TUBA1A: variants seen among roughly 807,000 people sequenced by gnomAD.
TUBA1A encodes the protein tubulin alpha-1A chain.
Under a neutral mutation model 34.6 loss-of-function variants are expected in TUBA1A, and 7 were observed. The observed-to-expected ratio is 0.20, with a 90% confidence interval of 0.11 to 0.38. TUBA1A has a LOEUF of 0.38. TUBA1A is among the 10% of genes least tolerant of loss of function. TUBA1A has a pLI of 1.00. For missense variants in TUBA1A, 19 were observed against 581.3 expected (o/e 0.03, Z 9.95); for synonymous variants, 193 against 210.2 (o/e 0.92, Z 0.71).
intron 1 of TUBA1A, chr12:49,187,943 G>A (rs1942201252): frequency 1.0e-6 from 1 of 984,318 alleles, no homozygotes. Flanking sequence ...CGTTTCCCTG[G>A]GTCCTGACCA....
rs1181623358 is a variant in TUBA1A at position 49,188,373 on chromosome 12, C to A, written c.3+604G>T. 7 of 1,535,246 alleles carry A rather than the reference C, an allele frequency of 4.6e-6. No individual in the cohort carries two copies. The East Asian group carries it at 9.8e-5, about 21-fold the overall frequency. ...CCAGAAACAAACAACCCCGCCCCTG[C>A]GCCGCCCTGACACCCGCTGCCGGGG... On this transcript the variant is annotated intron_variant, in intron 1 of 3. Transcript: ENST00000301071. This position sits in a 1 kb window ranked among gnomAD's most constrained non-coding sequence, Gnocchi z 4.9.
In TUBA1A at chr12:49,186,247, A is replaced by AT; in HGVS notation, c.375+62_375+63insA. 6.2e-7 allele frequency: 1 copy of AT among 1,611,986 alleles called. No individual in the cohort carries two copies. On this transcript the variant is annotated intron_variant, in intron 3 of 3. Coordinates refer to ENST00000301071, the MANE Select transcript of TUBA1A (RefSeq NM_006009.4). The surrounding 1 kb of genome is among the most constrained non-coding windows in gnomAD (Gnocchi z 6.6). ...GTTCAATTCTGTGTTTGAAAAAAAAAGCATTATTTCAAATGTGTTCTTTAG... is the reference window on the plus strand; with the variant it reads ...GTTCAATTCTGTGTTTGAAAAAAAAATGCATTATTTCAAATGTGTTCTTTAG...
In TUBA1A at chr12:49,186,000, AAGAG is replaced by A; in HGVS notation, c.376-14_376-11del. On this transcript the variant is annotated splice_polypyrimidine_tract_variant and intron_variant, in intron 3 of 3. Transcript: ENST00000301071. ...CCGTGCACTGGTCGGCCTATAACAAAAGAGAGGAACAGAGGAAAGGTTAAGTTTT... is the reference window on the plus strand; with the variant it reads ...CCGTGCACTGGTCGGCCTATAACAAAAGGAACAGAGGAAAGGTTAAGTTTT... The A allele has an allele frequency of 1.2e-6, 2 of 1,614,118 alleles. No individual in the cohort carries two copies. Among genetic ancestry groups the A allele is most frequent in the Non-Finnish European group, 1.7e-6 (2 of 1,180,010 alleles).
chr12:49,184,891 T>C lies in TUBA1A; in HGVS notation c.*119A>G. On this transcript the variant is annotated 3_prime_UTR_variant, in exon 4 of 4. Transcript: ENST00000301071. ...ATTCATGTTTTAGAGCATAGGTCAG[T>C]AATTGTATATGAGAGCATACACTGC... 4.6e-6 allele frequency: 7 copies of C among 1,521,836 alleles called. No individual in the cohort carries two copies. Among genetic ancestry groups the C allele is most frequent in the Non-Finnish European group, 6.4e-6 (7 of 1,098,988 alleles). 94.3% of individuals were successfully genotyped at this position (1,521,836 alleles called of 1,614,324 possible). A position where few individuals can be genotyped will look rare whatever the true frequency, so the allele number is the denominator to read the frequency against.
intron 1 of TUBA1A, chr12:49,187,340 C>T (rs942351243): frequency 1.9e-6 from 2 of 1,038,716 alleles, no homozygotes; most frequent in African/African-American, 3.5e-5. Flanking sequence ...TAGACAAGGT[C>T]TGCCTTCTGC....
At chr12:49,187,555 A>G (rs1211019511) in intron 1 of TUBA1A, 1 of 985,170 alleles carries the variant, frequency 1.0e-6, no homozygotes, top group African/African-American at 1.7e-5. Flanking sequence ...AGACAACGGG[A>G]TGCGGAGTAT....
chr12:49,188,405 G>A lies in TUBA1A; in HGVS notation c.3+572C>T. The A allele has an allele frequency of 6.5e-7, 1 of 1,535,678 alleles. No individual in the cohort carries two copies. Among genetic ancestry groups the A allele is most frequent in the Non-Finnish European group, 8.7e-7 (1 of 1,146,698 alleles). On this transcript the variant is annotated intron_variant, in intron 1 of 3. Transcript: ENST00000301071. The surrounding 1 kb of genome is among the most constrained non-coding windows in gnomAD (Gnocchi z 4.9). The stretch of plus-strand genomic sequence containing the variant: ...CTGACACCCGCTGCCGGGGGCTCCG[G>A]CAGAAACTCACCATGTTTTCCCGGG...
chr12:49,187,088 G>A (rs1942190809), intron 1 of TUBA1A: 1 of 1,360,528 alleles, frequency 7.4e-7, no homozygotes, highest in Non-Finnish European at 9.4e-7. Flanking sequence ...TACCATGCTT[G>A]AATAGAAGAT....
chr12:49,188,763 T>A lies in TUBA1A; in HGVS notation c.3+214A>T. 6.6e-7 allele frequency: 1 copy of A among 1,518,656 alleles called. No individual in the cohort carries two copies. Among genetic ancestry groups the A allele is most frequent in the Non-Finnish European group, 8.7e-7 (1 of 1,144,772 alleles). The allele number at this position is 1,518,656 out of a possible 1,614,324, so 94.1% of individuals were successfully genotyped here. A position where few individuals can be genotyped will look rare whatever the true frequency, so the allele number is the denominator to read the frequency against. ...CCGCCTTTGTTCCTCCCCAGCGCTC[T>A]GCTGCGCCCTGGGCGCAGTACTGGC... On this transcript the variant is annotated intron_variant, in intron 1 of 3. Coordinates refer to ENST00000301071, the MANE Select transcript of TUBA1A (RefSeq NM_006009.4). The surrounding 1 kb of genome is among the most constrained non-coding windows in gnomAD (Gnocchi z 4.9).
Position 49,188,471 on chromosome 12 carries a change from G to C in TUBA1A, c.3+506C>G. 1.3e-6 allele frequency: 2 copies of C among 1,535,298 alleles called. No homozygotes were observed. The highest frequency in any genetic ancestry group is 1.7e-6 in the Non-Finnish European group (2 of 1,146,386). ...TTCCAAAACGCCAAAGACCGCGGAG[G>C]GTCTTCCCACGCTAACCCTAGGCTG... On this transcript the variant is annotated intron_variant, in intron 1 of 3. Coordinates refer to ENST00000301071, the MANE Select transcript of TUBA1A (RefSeq NM_006009.4). The surrounding 1 kb of genome is among the most constrained non-coding windows in gnomAD (Gnocchi z 4.9).
At position 49,188,910 on chromosome 12, in the gene TUBA1A, T is replaced by C; in HGVS notation, c.3+67A>G. ...TTACGAAAGAAAAGAGCTTAAAGGT[T>C]TTCCAAGTAGAGCCTGGGGGCGCTG... On this transcript the variant is annotated intron_variant, in intron 1 of 3. Coordinates refer to ENST00000301071, the MANE Select transcript of TUBA1A (RefSeq NM_006009.4). The surrounding 1 kb of genome is among the most constrained non-coding windows in gnomAD (Gnocchi z 4.9). The C allele has an allele frequency of 6.2e-7, 1 of 1,613,838 alleles. No individual in the cohort carries two copies. The highest frequency in any genetic ancestry group is 8.5e-7 in the Non-Finnish European group (1 of 1,179,984).
At position 49,186,418 on chromosome 12, in the gene TUBA1A, A is replaced by G. The variant is rs1465726442; in HGVS notation, c.267T>C (p.Pro89=). 3.7e-6 allele frequency: 6 copies of G among 1,605,040 alleles called. No individual in the cohort carries two copies. Among genetic ancestry groups the G allele is most frequent in the Non-Finnish European group, 4.3e-6 (5 of 1,175,704 alleles). Residue 89 remains proline, a synonymous_variant, in exon 3 of 4, where the codon CCT becomes CCC. Transcript: ENST00000301071. This position sits in a 1 kb window ranked among gnomAD's most constrained non-coding sequence, Gnocchi z 6.6. ...CTTCTTTGCCTGTGATAAGTTGCTC[A>G]GGGTGGAAGAGCTGGCGGTAGGTGC... ...RTGTYRQLFH[P]EQLITGKEDA...
Position 49,188,701 on chromosome 12 carries a change from C to G in TUBA1A, c.3+276G>C, listed in dbSNP as rs1942214747. On this transcript the variant is annotated intron_variant, in intron 1 of 3. Coordinates refer to ENST00000301071, the MANE Select transcript of TUBA1A (RefSeq NM_006009.4). This position sits in a 1 kb window ranked among gnomAD's most constrained non-coding sequence, Gnocchi z 4.9. ...TCGCGGCAGACGGGCTGCCCGCGGC[C>G]CCCGAAAGTCTCTCGGATAACACAG... The G allele has an allele frequency of 4.2e-6, 6 of 1,439,094 alleles. No homozygotes were observed. The Admixed American group carries it at 1.4e-4, about 34-fold the overall frequency. 89.1% of individuals were successfully genotyped at this position (1,439,094 alleles called of 1,614,324 possible).
chr12:49,187,705 G>A (rs566212606), intron 1 of TUBA1A: 14 of 968,636 alleles, frequency 1.4e-5, no homozygotes, highest in Non-Finnish European at 1.7e-5. Flanking sequence ...TTAGAAACAA[G>A]CATCACATGA....
chr12:49,187,096 G>A lies in TUBA1A; in HGVS notation c.4-263C>T. 5 of 1,342,874 alleles carry A rather than the reference G, an allele frequency of 3.7e-6. No individual in the cohort carries two copies. The African/African-American group carries it at 5.9e-5, about 16-fold the overall frequency. 83.2% of individuals were successfully genotyped at this position (1,342,874 alleles called of 1,614,324 possible). On this transcript the variant is annotated intron_variant, in intron 1 of 3. Coordinates refer to ENST00000301071, the MANE Select transcript of TUBA1A (RefSeq NM_006009.4). ...TGCCTACTACCATGCTTGAATAGAA[G>A]ATTTTTCATATTTAAAAAGTATTCA... is the stretch of plus-strand genomic sequence containing the variant.
Position 49,188,656 on chromosome 12 carries a change from G to T in TUBA1A, c.3+321C>A. Reference sequence around the variant, plus strand: ...TGCGCACAGACACGGGGCCCAGCCGGGACGCCCCAGACCCCTCGGTCGCGG... The same window carrying T: ...TGCGCACAGACACGGGGCCCAGCCGTGACGCCCCAGACCCCTCGGTCGCGG... On this transcript the variant is annotated intron_variant, in intron 1 of 3. Transcript: ENST00000301071. The surrounding 1 kb of genome is among the most constrained non-coding windows in gnomAD (Gnocchi z 4.9). 2 of 1,436,290 alleles carry T rather than the reference G, an allele frequency of 1.4e-6. No individual in the cohort carries two copies. The highest frequency in any genetic ancestry group is 1.8e-6 in the Non-Finnish European group (2 of 1,100,824). 89.0% of individuals were successfully genotyped at this position (1,436,290 alleles called of 1,614,324 possible). A position where few individuals can be genotyped will look rare whatever the true frequency, so the allele number is the denominator to read the frequency against.
Position 49,186,912 on chromosome 12 carries a change from T to A in TUBA1A, c.4-79A>T, listed in dbSNP as rs1942188729. On this transcript the variant is annotated intron_variant, in intron 1 of 3. Coordinates refer to ENST00000301071, the MANE Select transcript of TUBA1A (RefSeq NM_006009.4). This position sits in a 1 kb window ranked among gnomAD's most constrained non-coding sequence, Gnocchi z 6.6. ...AACTTATAGGAAATTTCAAAAATATTTCTAATAATATACAGATATTTTTCT... is the reference window on the plus strand; with the variant it reads ...AACTTATAGGAAATTTCAAAAATATATCTAATAATATACAGATATTTTTCT... 1 of 1,566,396 alleles carries A rather than the reference T, an allele frequency of 6.4e-7. No homozygotes were observed. The highest frequency in any genetic ancestry group is 1.8e-5 in the Admixed American group (1 of 54,168).
chr12:49,187,489 C>T, intron 1 of TUBA1A: 3 of 985,964 alleles, frequency 3.0e-6, no homozygotes, highest in Non-Finnish European at 3.6e-6. Context: ...CCTCTGACCC[C>T]GCCCGGGACC....
In TUBA1A at chr12:49,186,104, AC is replaced by A; in HGVS notation, c.376-115del. On this transcript the variant is annotated intron_variant, in intron 3 of 3. Transcript: ENST00000301071. The surrounding 1 kb of genome is among the most constrained non-coding windows in gnomAD (Gnocchi z 6.6). ...CTTCCAGGACTTAGATCTTATTTTGACAAATGCTTTTTAAAAAATTCTCATT... is the reference window on the plus strand; with the variant it reads ...CTTCCAGGACTTAGATCTTATTTTGAAAATGCTTTTTAAAAAATTCTCATT... 2.0e-6 allele frequency: 3 copies of A among 1,527,996 alleles called. No homozygotes were observed. The highest frequency in any genetic ancestry group is 2.6e-6 in the Non-Finnish European group (3 of 1,135,342). 94.7% of individuals were successfully genotyped at this position (1,527,996 alleles called of 1,614,324 possible). A position where few individuals can be genotyped will look rare whatever the true frequency, so the allele number is the denominator to read the frequency against.
Sources: gnomAD v4.1 joint callset for allele counts on GRCh38, gnomAD v4.1.1 for gene constraint, Gnocchi (gnomAD v3.1) non-coding constraint, MANE v1.5 for transcripts, NCBI Gene and HGNC (gene_info 2026-07-23, HGNC 2026-07-21) for gene names.